DOCK1: variants seen among roughly 807,000 people sequenced by gnomAD.
DOCK1 encodes dedicator of cytokinesis 1, also known as dedicator of cytokinesis protein 1.
DOCK1 carries 138 observed loss-of-function variants against 262.7 expected under a neutral mutation model. The ratio of observed to expected loss-of-function variants is 0.53; its 90% CI spans 0.46 to 0.61. The LOEUF (loss-of-function observed/expected upper bound fraction) is 0.61, where lower values mean the gene tolerates loss of function less well. DOCK1 is among the 20% of genes least tolerant of loss of function. DOCK1 has a pLI of 0.00. For missense variants in DOCK1, 1,908 were observed against 2,370.7 expected, an observed-to-expected ratio of 0.80 and a Z score of 4.05; for synonymous variants, 866 against 867.4, an observed-to-expected ratio of 1.00 and a Z score of 0.03.
intron 1 of DOCK1, among the ~76,000 whole-genome samples, chr10:126,928,067 T>A (rs1253287469): frequency 6.6e-6 from 1 of 152,166 alleles, no homozygotes; most frequent in African/African-American, 2.4e-5. Flanking sequence ...GGGCTAAGTG[T>A]TCTCAGCAGT....
intron 27 of DOCK1, among the ~76,000 whole-genome samples, chr10:127,168,211 G>A (rs1429201117): frequency 6.6e-6 from 1 of 152,174 alleles, no homozygotes; most frequent in Non-Finnish European, 1.5e-5. Flanking sequence ...AAAAATGGAA[G>A]AACCAAGTGC....
rs1269413721 is a variant in DOCK1, at chr10:127,012,282, G to A, written c.1109G>A (p.Arg370His). The A allele has an allele frequency of 1.9e-6, 3 of 1,613,824 alleles. No individual in the cohort carries two copies. The highest frequency in any genetic ancestry group is 1.3e-5 in the African/African-American group (1 of 74,932). ...CACAAGCCGCTGAACATGTCATCCC[G>A]TTTTTCACCCAGGGTGGCAGGGGAG... Reference protein sequence around the residue: ...IRHKPLNMSSRFSPRVAGEND... With the variant: ...IRHKPLNMSSHFSPRVAGEND... Residue 370 changes from arginine to histidine, a missense_variant, in exon 12 of 52, where the codon CGT (arginine) becomes CAT (histidine). By Grantham distance (29) the Arg-to-His change is conservative (BLOSUM62 0). Coordinates refer to ENST00000623213, the MANE Select transcript of DOCK1 (RefSeq NM_001290223.2). The surrounding 1 kb of genome is among the most constrained non-coding windows in gnomAD (Gnocchi z 4.0).
chr10:127,338,724 T>A (rs988837081), intron 29 of DOCK1, among the ~76,000 whole-genome samples: 23 of 152,242 alleles, frequency 1.5e-4, no homozygotes, highest in Non-Finnish European at 2.8e-4. Context: ...TTCTTTTTTT[T>A]AATTAGATTT....
intron 43 of DOCK1, among the ~76,000 whole-genome samples, chr10:127,414,083 T>C (rs2068018641): frequency 1.3e-5 from 2 of 152,180 alleles, no homozygotes; most frequent in South Asian, 4.1e-4. Context: ...GGCTAATTTT[T>C]GTATTTTTAG....
At chr10:127,362,907 C>CCCCACACACACACACACACACGTGCA (rs1565026917) in intron 33 of DOCK1, among the ~76,000 whole-genome samples, 1 of 50,638 alleles carries the variant, frequency 2.0e-5, no homozygotes, top group Non-Finnish European at 3.7e-5. Flanking sequence ...ACATGTACAT[C>CCCCACACACACACACACACACGTGCA]TCCACACACA....
At chr10:126,977,229 G>C (rs981328699) in intron 2 of DOCK1, among the ~76,000 whole-genome samples, 81 of 152,280 alleles carry the variant, frequency 5.3e-4, no homozygotes, top group East Asian at 1.9e-4. Context: ...GGTGTGGCTG[G>C]GTCTGGTCCC....
chr10:127,432,936 T>C (rs1235349203), intron 47 of DOCK1, among the ~76,000 whole-genome samples: 1 of 152,218 alleles, frequency 6.6e-6, no homozygotes, highest in African/African-American at 2.4e-5. Flanking sequence ...AAAGACTCTT[T>C]AATCACTCTC....
intron 27 of DOCK1, chr10:127,137,554 G>A (rs1327357080): frequency 1.2e-5 from 4 of 324,634 alleles, no homozygotes; most frequent in Non-Finnish European, 2.2e-5. Flanking sequence ...GATCGGGGGT[G>A]GGGGAAAATT....
intron 29 of DOCK1, among the ~76,000 whole-genome samples, chr10:127,325,994 G>A (rs973658745): frequency 2.0e-5 from 3 of 152,132 alleles, no homozygotes; most frequent in Admixed American, 2.0e-4. Flanking sequence ...TATTAAGTGT[G>A]AAAAGTATGT....
At chr10:127,122,299 G>A (rs2049642464) in intron 25 of DOCK1, among the ~76,000 whole-genome samples, 1 of 152,188 alleles carries the variant, frequency 6.6e-6, no homozygotes, top group Admixed American at 6.5e-5. Context: ...CCCTCTGCCT[G>A]GAGGCATGGT....
chr10:127,242,503 T>C (rs1363506096), intron 27 of DOCK1, among the ~76,000 whole-genome samples: 2 of 152,230 alleles, frequency 1.3e-5, no homozygotes, highest in Non-Finnish European at 2.9e-5. Flanking sequence ...TTATTTCAAA[T>C]CATTTTAAAG....
chr10:127,107,310 T>C (rs2136226190), intron 24 of DOCK1, among the ~76,000 whole-genome samples: 1 of 152,260 alleles, frequency 6.6e-6, no homozygotes, highest in Non-Finnish European at 1.5e-5. Context: ...GAATAAAAAA[T>C]GATTATCCTT....
rs977035276 is a variant in DOCK1 at position 127,140,381 on chromosome 10, G to A, written c.2847+12617G>A. On this transcript the variant is annotated intron_variant, in intron 27 of 51. Transcript: ENST00000623213. ...AACCAGAGGCAGGTTCCTTGGTAGA[G>A]GGCACTTATGAGTCTGTGAGTGCCC... Among the ~76,000 whole-genome samples the A allele has an allele frequency of 5.9e-4, 90 of 152,288 alleles. 1 individual carries two copies. Among genetic ancestry groups the A allele is most frequent in the Middle Eastern group, 3.4e-3 (1 of 294 alleles).
chr10:127,419,168 A>C (rs999902714), intron 45 of DOCK1, among the ~76,000 whole-genome samples: 1 of 152,208 alleles, frequency 6.6e-6, no homozygotes, highest in Non-Finnish European at 1.5e-5. Context: ...AATGTTTACC[A>C]TCTGGCCTTT....
rs779349464 is a variant in DOCK1 at position 126,996,728 on chromosome 10, C to T, written c.474-20C>T. On this transcript the variant is annotated intron_variant, in intron 6 of 51. Coordinates refer to ENST00000623213, the MANE Select transcript of DOCK1 (RefSeq NM_001290223.2). Reference sequence around the variant, plus strand: ...TCCTTGGTCTATGTCTGTGAACTTACTAAATTCTTGTTGTTCTAGAATTCT... The same window carrying T: ...TCCTTGGTCTATGTCTGTGAACTTATTAAATTCTTGTTGTTCTAGAATTCT... 1 of 1,599,036 alleles carries T rather than the reference C, an allele frequency of 6.3e-7. No homozygotes were observed. Among genetic ancestry groups the T allele is most frequent in the Non-Finnish European group, 8.5e-7 (1 of 1,174,760 alleles).
chr10:127,049,968 CTTTTTTT>C (rs71941085), intron 21 of DOCK1, among the ~76,000 whole-genome samples: 3 of 100,074 alleles, frequency 3.0e-5, no homozygotes, highest in African/African-American at 1.2e-4. Flanking sequence ...AAACTGGCCT[CTTTTTTT>C]TTTTTTTTTT....
intron 33 of DOCK1, among the ~76,000 whole-genome samples, chr10:127,362,794 A>G (rs1477987241): frequency 9.5e-6 from 1 of 105,406 alleles, no homozygotes; most frequent in Non-Finnish European, 2.0e-5. Context: ...GAAAATAAGT[A>G]TACTGTTTAT....
At chr10:126,932,828 T>G (rs1384264064) in intron 1 of DOCK1, among the ~76,000 whole-genome samples, 3 of 152,076 alleles carry the variant, frequency 2.0e-5, no homozygotes, top group African/African-American at 7.2e-5. Context: ...CTGCCAGACT[T>G]GGGGGAACTT....
At chr10:127,147,397 A>T (rs2051985234) in intron 27 of DOCK1, among the ~76,000 whole-genome samples, 1 of 152,054 alleles carries the variant, frequency 6.6e-6, no homozygotes. Context: ...TCCCTCCACG[A>T]TTATCTTGTT....
Sources: gnomAD v4.1 joint callset for allele counts (sites outside exome capture counted in the v4.1 genomes callset) on GRCh38, gnomAD v4.1.1 for gene constraint, Gnocchi (gnomAD v3.1) non-coding constraint, MANE v1.5 for transcripts, NCBI Gene and HGNC (gene_info 2026-07-23, HGNC 2026-07-21) for gene names.